The following DOCK5 variants were observed in gnomAD, a reference collection of about 807,000 sequenced individuals.
DOCK5 encodes dedicator of cytokinesis protein 5.
A neutral mutation model predicts 251.8 loss-of-function variants in DOCK5; 142 were observed. The observed-to-expected ratio is 0.56, with a 90% CI of 0.49 to 0.65. DOCK5 has a LOEUF of 0.65. DOCK5 is among the 30% of genes least tolerant of loss of function. The pLI is 0.00. For missense variants in DOCK5, 2,111 were observed against 2,312.3 expected, an observed-to-expected ratio of 0.91 and a Z score of 1.79; for synonymous variants, 842 against 835.5, an observed-to-expected ratio of 1.01 and a Z score of -0.13.
intron 44 of DOCK5, among the ~76,000 whole-genome samples, chr8:25,393,362 C>G (rs954259): frequency 0.35 from 53,065 of 152,024 alleles, 9,385 homozygotes; most frequent in Non-Finnish European, 0.36. Context: ...CCCTGCCATG[C>G]ATGGCCTTCT....
At chr8:25,408,265 C>A in intron 49 of DOCK5, 111 bp downstream of exon 49, 1 of 1,184,258 alleles carries the variant, frequency 8.4e-7, no homozygotes, top group Non-Finnish European at 1.2e-6. Flanking sequence ...TGGCTTGTTT[C>A]AGGACTCAGC....
chr8:25,368,858 C>A, intron 33 of DOCK5, 133 bp downstream of exon 33: 3 of 1,078,916 alleles, frequency 2.8e-6, no homozygotes, highest in Non-Finnish European at 2.5e-6. Context: ...CTTTACATTT[C>A]ATTTTATAAA....
At chr8:25,332,094 A>T (rs943090866) in intron 18 of DOCK5, among the ~76,000 whole-genome samples, 157 bp from the exon 19 acceptor site, 1 of 152,162 alleles carries the variant, frequency 6.6e-6, no homozygotes, top group African/African-American at 2.4e-5. Flanking sequence ...GTTTTCTCTG[A>T]CTTAGATAGG....
intron 18 of DOCK5, 103 bp from the exon 19 acceptor site, chr8:25,332,148 A>G: frequency 1.4e-6 from 1 of 733,600 alleles, no homozygotes; most frequent in East Asian, 2.7e-5. Flanking sequence ...TGAATTAGCC[A>G]CTATTGAGAG....
At chr8:25,244,630 A>C (rs565977636) in intron 2 of DOCK5, among the ~76,000 whole-genome samples, 1 of 152,338 alleles carries the variant, frequency 6.6e-6, no homozygotes, top group South Asian at 2.1e-4. Context: ...GTGAAACGGC[A>C]GAGATGGTCC....
At chr8:25,407,447 T>A (rs75338394) in intron 48 of DOCK5, among the ~76,000 whole-genome samples, 27,473 of 152,134 alleles carry the variant, frequency 0.18, 2,864 homozygotes, top group East Asian at 0.31. Context: ...CTTCCTGGGA[T>A]AAGATACTCC....
chr8:25,263,214 T>A (rs1260921986), intron 2 of DOCK5, among the ~76,000 whole-genome samples: 1 of 89,028 alleles, frequency 1.1e-5, no homozygotes, highest in Non-Finnish European at 2.2e-5. Context: ...TGGGACCGTC[T>A]GTCCTCCTCC....
chr8:25,198,280 C>G (rs959848520), intron 1 of DOCK5, among the ~76,000 whole-genome samples: 2 of 152,090 alleles, frequency 1.3e-5, no homozygotes, highest in Non-Finnish European at 2.9e-5. Flanking sequence ...AGTTATAAGA[C>G]GAAGTGACGA....
At chr8:25,208,836 G>C (rs181883590) in intron 1 of DOCK5, among the ~76,000 whole-genome samples, 1 of 152,140 alleles carries the variant, frequency 6.6e-6, no homozygotes, top group Non-Finnish European at 1.5e-5. Context: ...TCTGATTGAG[G>C]TTAAAATATG....
chr8:25,377,833 C>A (rs560114473), intron 38 of DOCK5, among the ~76,000 whole-genome samples: 9 of 152,204 alleles, frequency 5.9e-5, no homozygotes, highest in African/African-American at 1.9e-4. Flanking sequence ...CTCGGGGCAC[C>A]TTCCCAGCAA....
At chr8:25,296,933 A>G (rs1320747640) in intron 7 of DOCK5, among the ~76,000 whole-genome samples, 2 of 152,206 alleles carry the variant, frequency 1.3e-5, no homozygotes, top group African/African-American at 4.8e-5. Flanking sequence ...CTATGCTTGC[A>G]TATACATAGA....
intron 13 of DOCK5, among the ~76,000 whole-genome samples, chr8:25,315,671 C>T (rs574653676): frequency 1.3e-4 from 20 of 152,134 alleles, no homozygotes; most frequent in Non-Finnish European, 2.6e-4. Context: ...AAATTATTGC[C>T]CACATTTTTA....
Position 25,413,334 on chromosome 8 carries a change from G to T in DOCK5, c.*2036G>T, listed in dbSNP as rs1172380773. 2 of 152,114 alleles carry T rather than the reference G, an allele frequency of 1.3e-5. No homozygotes were observed. The highest frequency in any genetic ancestry group is 1.3e-4 in the Admixed American group (2 of 15,278). The allele number at this position is 152,114 out of a possible 1,614,324, so 9.4% of individuals were successfully genotyped here. A position where few individuals can be genotyped will look rare whatever the true frequency, so the allele number is the denominator to read the frequency against. On this transcript the variant is annotated 3_prime_UTR_variant, in exon 52 of 52. Transcript: ENST00000276440. ...AGTGCAAGTTAGTTCTGCACATACA[G>T]CCCTTCTCCAAATGGTGGTTTCCTT...
chr8:25,343,972 AT>A (rs897224136), intron 25 of DOCK5, among the ~76,000 whole-genome samples: 10 of 151,854 alleles, frequency 6.6e-5, no homozygotes, highest in African/African-American at 2.2e-4. Flanking sequence ...TGCCCAGCTA[AT>A]TTTTTTTGTA....
chr8:25,247,636 T>C (rs778232713), intron 2 of DOCK5, among the ~76,000 whole-genome samples: 3 of 152,130 alleles, frequency 2.0e-5, no homozygotes, highest in Non-Finnish European at 4.4e-5. Context: ...TCACTATACT[T>C]TACCAAGAGT....
intron 51 of DOCK5, among the ~76,000 whole-genome samples, chr8:25,410,713 C>A (rs528121782): frequency 6.7e-5 from 10 of 149,462 alleles, no homozygotes; most frequent in South Asian, 6.4e-4. Flanking sequence ...CCCCCCCACC[C>A]ACCTCAGCCT....
intron 8 of DOCK5, 192 bp downstream of exon 8, chr8:25,299,293 G>A (rs1249645045): frequency 5.4e-6 from 3 of 555,324 alleles, no homozygotes; most frequent in Admixed American, 3.7e-5. Flanking sequence ...AATGAGGCCA[G>A]TTTGTATACT....
At chr8:25,310,280 CTG>C in intron 12 of DOCK5, 125 bp from the exon 13 acceptor site, 4 of 936,422 alleles carry the variant, frequency 4.3e-6, no homozygotes, top group Non-Finnish European at 6.0e-6. Flanking sequence ...TATAAGTCAA[CTG>C]GGGGAGAATT....
rs1433823564 is a variant in DOCK5, at chr8:25,408,082, G to A, written c.5193G>A (p.Lys1731=). 2 of 1,605,240 alleles carry A rather than the reference G, an allele frequency of 1.2e-6. No homozygotes were observed. The highest frequency in any genetic ancestry group is 3.4e-5 in the Admixed American group (2 of 58,576). Residue 1731 remains lysine, a synonymous_variant, in exon 49 of 52, where the codon AAG becomes AAA. Coordinates refer to ENST00000276440, the MANE Select transcript of DOCK5 (RefSeq NM_024940.8). The stretch of plus-strand genomic sequence containing the variant: ...AGAACAGCGAGAACCGGATCAGCAA[G>A]TTTAAGAGAAAAGACTGGAGTCTGA... ...REENSENRIS[K]FKRKDWSLSK...
Sources: allele counts gnomAD v4.1 joint callset (sites outside exome capture counted in the v4.1 genomes callset), GRCh38; gene constraint gnomAD v4.1.1; transcripts MANE v1.5; gene names NCBI Gene and HGNC (gene_info 2026-07-23, HGNC 2026-07-21).